Variants in UPP2 observed in about 807,000 individuals in gnomAD.
UPP2 encodes the protein UPase 2.
A neutral mutation model predicts 26.7 loss-of-function variants in UPP2; 23 were observed. The observed-to-expected ratio is 0.86, with a 90% confidence interval of 0.62 to 1.22. The LOEUF (loss-of-function observed/expected upper bound fraction) is 1.22. Ranked by LOEUF, UPP2 falls within the 50% of genes most tolerant of loss-of-function variation. The pLI, the probability that UPP2 is intolerant of heterozygous loss-of-function variation, is 0.00. For synonymous variants in UPP2, 127 were observed against 141.3 expected, an observed-to-expected ratio of 0.90 and a Z score of 0.72; for missense variants, 387 against 396.7, an observed-to-expected ratio of 0.98 and a Z score of 0.21.
chr2:158,094,115 G>A (rs186664872), intron 3 of UPP2, among the ~76,000 whole-genome samples: 58 of 151,834 alleles, frequency 3.8e-4, no homozygotes, highest in Non-Finnish European at 6.9e-4. Flanking sequence ...ATAAGTACGA[G>A]TTTTAACATA....
chr2:158,098,953 T>G (rs999509440), upstream of UPP2, among the ~76,000 whole-genome samples: 1 of 152,220 alleles, frequency 6.6e-6, no homozygotes. Context: ...TCCCCTTTTA[T>G]ACAAAGGTTT....
intron 2 of UPP2, among the ~76,000 whole-genome samples, chr2:158,011,429 C>T (rs28599871): frequency 0.1 from 15,943 of 152,062 alleles, 1,068 homozygotes; most frequent in East Asian, 0.2. Context: ...CATCTGGGCT[C>T]ATGGCTCTCT....
chr2:158,129,467 T>C (rs1306729590), intron 6 of UPP2, among the ~76,000 whole-genome samples: 1 of 152,072 alleles, frequency 6.6e-6, no homozygotes, highest in Non-Finnish European at 1.5e-5. Context: ...ACCTGCTCCT[T>C]GCTCAGAGGA....
intron 3 of UPP2, among the ~76,000 whole-genome samples, chr2:158,087,980 A>G (rs1682843408): frequency 6.6e-6 from 1 of 152,142 alleles, no homozygotes; most frequent in African/African-American, 2.4e-5. Context: ...GTCTTTTTGC[A>G]ATAAATTTCC....
At chr2:158,035,158 CTT>C (rs397868383) in intron 3 of UPP2, among the ~76,000 whole-genome samples, 4 of 143,324 alleles carry the variant, frequency 2.8e-5, no homozygotes, top group Admixed American at 6.9e-5. Flanking sequence ...GGATCAGAAT[CTT>C]TTTTTTTTTT....
At chr2:157,995,657 A>T (rs1458871120) in intron 2 of UPP2, among the ~76,000 whole-genome samples, 2 of 152,192 alleles carry the variant, frequency 1.3e-5, no homozygotes, top group Non-Finnish European at 2.9e-5. Flanking sequence ...TTGAAAATAC[A>T]AAAAGAAAGA....
At chr2:158,063,585 G>A (rs1017896664) in intron 3 of UPP2, among the ~76,000 whole-genome samples, 1 of 130,484 alleles carries the variant, frequency 7.7e-6, no homozygotes, top group African/African-American at 3.2e-5. Flanking sequence ...GTAGGATTAG[G>A]CCACCATTTT....
At chr2:158,068,966 C>T (rs1191876645) in intron 3 of UPP2, among the ~76,000 whole-genome samples, 9 of 149,864 alleles carry the variant, frequency 6.0e-5, no homozygotes, top group East Asian at 4.0e-4. Flanking sequence ...TACAGGTGCC[C>T]GCCACCACGC....
At chr2:158,093,941 T>A (rs1018717842) in intron 3 of UPP2, among the ~76,000 whole-genome samples, 2 of 150,562 alleles carry the variant, frequency 1.3e-5, no homozygotes, top group African/African-American at 4.9e-5. Flanking sequence ...AAGCCAGTTT[T>A]AAAAATATAT....
In UPP2 at chr2:158,101,912, T is replaced by A; in HGVS notation, c.-152T>A. 1.5e-6 allele frequency: 2 copies of A among 1,358,474 alleles called. No individual in the cohort carries two copies. Among genetic ancestry groups the A allele is most frequent in the African/African-American group, 3.0e-5 (2 of 66,270 alleles). The allele number at this position is 1,358,474 out of a possible 1,614,324, so 84.2% of individuals were successfully genotyped here. ...TAAAATGCTAAAGGAAAAATTTTCT[T>A]AGCAATTTCACAGGAAAACCTAAGT... On this transcript the variant is annotated 5_prime_UTR_variant, in exon 1 of 7. The change abolishes the stop of an existing upstream ORF in the 5' untranslated region. Coordinates refer to ENST00000005756, the MANE Select transcript of UPP2 (RefSeq NM_173355.4).
rs1470612000 is a variant in UPP2 at position 158,115,103 on chromosome 2, T to C, written c.183T>C (p.Phe61=). The change falls in exon 3 of 7, where the codon TTT becomes TTC. Residue 61 remains phenylalanine, a splice_region_variant and synonymous_variant. Transcript: ENST00000005756. ...NLPAMFGDVK[F]VCVGGSPNRM... Reference sequence around the variant, plus strand: ...CCCTTGTTTATTTTTATTAACAGTTTGTCTGTGTCGGTGGGAGCCCCAACA... The same window carrying C: ...CCCTTGTTTATTTTTATTAACAGTTCGTCTGTGTCGGTGGGAGCCCCAACA... 6.3e-7 allele frequency: 1 copy of C among 1,599,330 alleles called. No homozygotes were observed. Among genetic ancestry groups the C allele is most frequent in the South Asian group, 1.1e-5 (1 of 89,514 alleles).
At chr2:157,997,308 A>G (rs1337647902) in intron 2 of UPP2, among the ~76,000 whole-genome samples, 1 of 151,876 alleles carries the variant, frequency 6.6e-6, no homozygotes, top group African/African-American at 2.4e-5. Context: ...ACCTTTGCTC[A>G]TTTCTTTATT....
At chr2:158,096,646 T>C (rs547582691) in intron 3 of UPP2, among the ~76,000 whole-genome samples, 7 of 152,080 alleles carry the variant, frequency 4.6e-5, no homozygotes, top group African/African-American at 1.7e-4. Context: ...TGGCCATCAA[T>C]AGGAGAATGG....
chr2:158,105,868 A>G (rs1364577511), intron 1 of UPP2, among the ~76,000 whole-genome samples: 1 of 152,234 alleles, frequency 6.6e-6, no homozygotes, highest in Non-Finnish European at 1.5e-5. Context: ...GAGGGCAGTT[A>G]TGGGACAAAT....
At chr2:158,082,346 C>T (rs1043514405) in intron 3 of UPP2, among the ~76,000 whole-genome samples, 8 of 151,168 alleles carry the variant, frequency 5.3e-5, no homozygotes, top group East Asian at 2.0e-4. Flanking sequence ...AGCCTTTTAT[C>T]GCTTACCACC....
At chr2:158,107,912 G>C (rs1174301073) in intron 2 of UPP2, among the ~76,000 whole-genome samples, 2 of 152,036 alleles carry the variant, frequency 1.3e-5, no homozygotes, top group Non-Finnish European at 2.9e-5. Context: ...TGCTGTTTTG[G>C]TTTACTTATG....
At chr2:158,095,765 T>C (rs746172601) in intron 3 of UPP2, among the ~76,000 whole-genome samples, 4 of 152,178 alleles carry the variant, frequency 2.6e-5, no homozygotes, top group Non-Finnish European at 5.9e-5. Context: ...TAGCCACTGT[T>C]GTTACTGACA....
intron 3 of UPP2, among the ~76,000 whole-genome samples, chr2:158,037,226 T>A (rs1684017046): frequency 6.7e-6 from 1 of 149,546 alleles, no homozygotes; most frequent in African/African-American, 2.5e-5. Flanking sequence ...TACAAAAAAA[T>A]TAGCTGGGTG....
At chr2:158,015,062 TAACA>T in intron 2 of UPP2, among the ~76,000 whole-genome samples, 1 of 152,302 alleles carries the variant, frequency 6.6e-6, no homozygotes, top group East Asian at 1.9e-4. Flanking sequence ...TTAGAGAAAC[TAACA>T]GATTTAAAAT....
Sources: allele counts gnomAD v4.1 joint callset (sites outside exome capture counted in the v4.1 genomes callset), GRCh38; gene constraint gnomAD v4.1.1; transcripts MANE v1.5; gene names NCBI Gene and HGNC (gene_info 2026-07-23, HGNC 2026-07-21).